PMS1: variants seen among roughly 807,000 people sequenced by gnomAD.
PMS1 encodes the protein PMS1 homolog 1, mismatch repair system component.
A neutral mutation model predicts 93.1 loss-of-function variants in PMS1; 79 were observed. The ratio of observed to expected loss-of-function variants is 0.85; its 90% CI spans 0.71 to 1.02. The LOEUF (loss-of-function observed/expected upper bound fraction) is 1.02, where lower values mean the gene tolerates loss of function less well. Among genes scored for constraint, PMS1 ranks in the 50% least tolerant of loss-of-function variants. The probability of loss-of-function intolerance (pLI) is 0.00; values close to 1 mark genes in which losing one functional copy is unlikely to be tolerated. For missense variants in PMS1, 1,064 were observed against 1,085.3 expected, an observed-to-expected ratio of 0.98 and a Z score of 0.28; for synonymous variants, 335 against 363.4, an observed-to-expected ratio of 0.92 and a Z score of 0.89.
At chr2:189,860,737 C>CA (rs1307875690) in intron 9 of PMS1, among the ~76,000 whole-genome samples, 1 of 145,764 alleles carries the variant, frequency 6.9e-6, no homozygotes, top group Non-Finnish European at 1.5e-5. Context: ...GGTAGTGTTC[C>CA]AAAATGTCAG....
At chr2:189,835,787 G>A (rs781610334) in intron 5 of PMS1, among the ~76,000 whole-genome samples, 1 of 151,740 alleles carries the variant, frequency 6.6e-6, no homozygotes, top group Non-Finnish European at 1.5e-5. Context: ...AATTAGCTGG[G>A]CGTGGTAGTG....
intron 5 of PMS1, among the ~76,000 whole-genome samples, chr2:189,832,064 A>G (rs943814536): frequency 6.6e-6 from 1 of 152,170 alleles, no homozygotes; most frequent in South Asian, 2.1e-4. Context: ...ATAAAGAACC[A>G]TATTGTTGAG....
chr2:189,793,116 A>G (rs531229018), intron 2 of PMS1, among the ~76,000 whole-genome samples: 3 of 152,026 alleles, frequency 2.0e-5, no homozygotes, highest in South Asian at 2.1e-4. Context: ...CAGCCATACT[A>G]TACCCATTTT....
At chr2:189,830,178 G>A (rs1305275967) in intron 5 of PMS1, among the ~76,000 whole-genome samples, 1 of 152,180 alleles carries the variant, frequency 6.6e-6, no homozygotes, top group Non-Finnish European at 1.5e-5. Context: ...TAGTGTGAAT[G>A]TAGCCATAAA....
chr2:189,815,056 G>A lies in PMS1; in HGVS notation c.419-2961G>A, dbSNP rs897506862. ...GGAGCTTGCAGTGAGCCGAGATCAT[G>A]CCACTGCACTCCAGCCTGGGCAACA... On this transcript the variant is annotated intron_variant, in intron 4 of 12. Transcript: ENST00000441310. Among the ~76,000 whole-genome samples the A allele has an allele frequency of 4.1e-5, 6 of 146,838 alleles. No individual in the cohort carries two copies. In the East Asian group the frequency reaches 6.0e-4, roughly 15 times the overall value.
rs572405571 is a variant in PMS1, at chr2:189,842,202, A to G, written c.583-1762A>G. Among the ~76,000 whole-genome samples, 3 of 151,984 alleles carry G rather than the reference A, an allele frequency of 2.0e-5. No homozygotes were observed. The East Asian group carries it at 5.8e-4, about 30-fold the overall frequency. The stretch of plus-strand genomic sequence containing the variant: ...CGTCTGTTCCTACCATACTCACTCA[A>G]CATTGGAAACATATGATGACTACTT... On this transcript the variant is annotated intron_variant, in intron 5 of 12. Coordinates refer to ENST00000441310, the MANE Select transcript of PMS1 (RefSeq NM_000534.5).
At chr2:189,855,577 C>T (rs575627723) in intron 9 of PMS1, among the ~76,000 whole-genome samples, 2 of 151,832 alleles carry the variant, frequency 1.3e-5, no homozygotes, top group East Asian at 3.9e-4. Flanking sequence ...ATATGTAATA[C>T]AACACAAAAA....
intron 5 of PMS1, among the ~76,000 whole-genome samples, chr2:189,835,790 T>C (rs1010113016): frequency 6.6e-6 from 1 of 151,368 alleles, no homozygotes; most frequent in Non-Finnish European, 1.5e-5. Flanking sequence ...TAGCTGGGCG[T>C]GGTAGTGTGC....
intron 12 of PMS1, 66 bp from the exon 13 acceptor site, chr2:189,877,206 C>T: frequency 7.8e-7 from 1 of 1,285,176 alleles, no homozygotes. Flanking sequence ...TTCCTTTTTG[C>T]CAGGATAACA....
chr2:189,816,963 ATT>A (rs1344519733), intron 4 of PMS1, among the ~76,000 whole-genome samples: 2 of 152,088 alleles, frequency 1.3e-5, no homozygotes, highest in African/African-American at 4.8e-5. Context: ...TTTTTATTCT[ATT>A]TTATTTTTAA....
chr2:189,826,585 C>A (rs1293358218), intron 5 of PMS1, among the ~76,000 whole-genome samples: 1 of 151,892 alleles, frequency 6.6e-6, no homozygotes, highest in Non-Finnish European at 1.5e-5. Flanking sequence ...ACATATAAGT[C>A]AAGTTTTAGT....
chr2:189,820,544 A>G (rs1221483419), intron 5 of PMS1, among the ~76,000 whole-genome samples: 3 of 151,998 alleles, frequency 2.0e-5, no homozygotes, highest in East Asian at 1.9e-4. Flanking sequence ...CTTTCAAGCA[A>G]TGCACCCTCT....
chr2:189,810,931 C>G (rs2050784913), intron 4 of PMS1, among the ~76,000 whole-genome samples: 1 of 143,400 alleles, frequency 7.0e-6, no homozygotes, highest in African/African-American at 2.6e-5. Flanking sequence ...TCAAGAGAAA[C>G]AATAGTGTAA....
At position 189,841,560 on chromosome 2, in the gene PMS1, G is replaced by C. The variant is rs76902589; in HGVS notation, c.583-2404G>C. ...TTCTATTCCTGATGTGCTAGTTAGA[G>C]AACATGAGTCTGTTTACTTCACCTT... On this transcript the variant is annotated intron_variant, in intron 5 of 12. Coordinates refer to ENST00000441310, the MANE Select transcript of PMS1 (RefSeq NM_000534.5). 1.7e-3 allele frequency among the ~76,000 whole-genome samples: 254 copies of C among 152,184 alleles called. 7 individuals are homozygous for C. The East Asian group carries it at 0.039, about 23-fold the overall frequency.
At chr2:189,804,363 A>G (rs992076368) in intron 3 of PMS1, among the ~76,000 whole-genome samples, 2 of 152,208 alleles carry the variant, frequency 1.3e-5, no homozygotes, top group South Asian at 4.1e-4. Context: ...CCTCTAAATT[A>G]CACCATTTTT....
intron 10 of PMS1, among the ~76,000 whole-genome samples, chr2:189,865,691 AAAAAT>A (rs1369675186): frequency 6.6e-6 from 1 of 152,220 alleles, no homozygotes; most frequent in Non-Finnish European, 1.5e-5. Context: ...CTGGGGAAAC[AAAAAT>A]AAAAAAGATT....
Position 189,854,954 on chromosome 2 carries a change from C to A in PMS1, c.1682C>A (p.Thr561Lys). The A allele has an allele frequency of 6.2e-7, 1 of 1,611,830 alleles. No individual in the cohort carries two copies. The highest frequency in any genetic ancestry group is 8.5e-7 in the Non-Finnish European group (1 of 1,178,252). Reference sequence around the variant, plus strand: ...ATAGATAATAAATCTGGAAAAGTTACAGCTTATGATTTACTTAGCAATCGA... The same window carrying A: ...ATAGATAATAAATCTGGAAAAGTTAAAGCTTATGATTTACTTAGCAATCGA... Reference protein sequence around the residue: ...NVIDNKSGKVTAYDLLSNRVI... With the variant: ...NVIDNKSGKVKAYDLLSNRVI... Residue 561 changes from threonine to lysine, a missense_variant, in exon 9 of 13, where the codon ACA becomes AAA. Thr to Lys is a moderately conservative substitution (Grantham distance 78). Transcript: ENST00000441310.
chr2:189,846,881 A>C (rs1169526039), intron 6 of PMS1, among the ~76,000 whole-genome samples: 1 of 143,824 alleles, frequency 7.0e-6, no homozygotes, highest in African/African-American at 2.6e-5. Flanking sequence ...TTTTTTTCTG[A>C]GACAGTCTCT....
intron 6 of PMS1, among the ~76,000 whole-genome samples, chr2:189,849,867 CTTTTT>C (rs751444288): frequency 2.5e-5 from 3 of 118,890 alleles, no homozygotes; most frequent in African/African-American, 6.4e-5. Context: ...TATTTTTAAA[CTTTTT>C]TTTTTTTTTT....
Sources: allele counts gnomAD v4.1 joint callset (sites outside exome capture counted in the v4.1 genomes callset), GRCh38; gene constraint gnomAD v4.1.1; transcripts MANE v1.5; gene names NCBI Gene and HGNC (gene_info 2026-07-23, HGNC 2026-07-21).